C19orf38: variants seen among roughly 807,000 people sequenced by gnomAD.
The protein encoded by C19orf38 is protein HIDE1.
A neutral mutation model predicts 26.6 loss-of-function variants in C19orf38; 14 were observed. The observed-to-expected ratio is 0.53, with a 90% CI of 0.35 to 0.82. C19orf38 has a LOEUF of 0.82. Ranked by LOEUF, C19orf38 falls within the 40% of genes least tolerant of loss-of-function variation. The probability of loss-of-function intolerance (pLI) is 0.01; values close to 1 mark genes in which losing one functional copy is unlikely to be tolerated. For missense variants in C19orf38, 261 were observed against 299.5 expected (o/e 0.87, Z 0.95); for synonymous variants, 132 against 128.5 (o/e 1.03, Z -0.18).
chr19:10,837,533 G>T (rs2146231931), intron 1 of C19orf38, among the ~76,000 whole-genome samples: 1 of 105,034 alleles, frequency 9.5e-6, no homozygotes, highest in Non-Finnish European at 1.8e-5. Flanking sequence ...TTGAGACAGA[G>T]TCTCCCTCTG....
At chr19:10,855,826 C>T (rs2073619866) in intron 2 of C19orf38, among the ~76,000 whole-genome samples, 1 of 152,092 alleles carries the variant, frequency 6.6e-6, no homozygotes, top group Admixed American at 6.6e-5. Context: ...CTGCGCCTGG[C>T]CAATTATTTA....
chr19:10,856,270 A>C lies in C19orf38; in HGVS notation c.346A>C (p.Thr116Pro). 7 of 1,550,678 alleles carry C rather than the reference A, an allele frequency of 4.5e-6. No homozygotes were observed. Among genetic ancestry groups the C allele is most frequent in the Non-Finnish European group, 5.2e-6 (6 of 1,146,178 alleles). The change falls in exon 3 of 7, where the codon ACT becomes CCT. Residue 116 changes from threonine (T) to proline (P), a missense_variant. Transcript: ENST00000397820. The part of the protein sequence containing the change: ...EPVNVSFPVP[T>P]WILVLSLSLA... ...CTTTTCTGATTTTCCTCCAGTGCCC[A>C]CTTGGATCTTGGTGCTCTCCCTGAG...
chr19:10,858,226 TA>T (rs371026775), intron 3 of C19orf38, 89 bp from the exon 4 acceptor site: 20,686 of 319,294 alleles, frequency 0.065, 10 homozygotes, highest in African/African-American at 0.086. Context: ...AGACTCTGTC[TA>T]AAAAAAAAAA....
intron 5 of C19orf38, 146 bp downstream of exon 5, chr19:10,860,104 G>A: frequency 1.3e-6 from 1 of 792,790 alleles, no homozygotes; most frequent in Non-Finnish European, 2.1e-6. Context: ...TCTTCCCCTG[G>A]GTTCTCACCT....
chr19:10,838,468 C>T (rs755332707), intron 1 of C19orf38, among the ~76,000 whole-genome samples: 1 of 152,136 alleles, frequency 6.6e-6, no homozygotes, highest in East Asian at 1.9e-4. Context: ...TTAGTACATT[C>T]CAGTGTTGTG....
At chr19:10,838,586 G>A (rs192203632) in intron 1 of C19orf38, among the ~76,000 whole-genome samples, 1 of 152,024 alleles carries the variant, frequency 6.6e-6, no homozygotes, top group African/African-American at 2.4e-5. Context: ...TAACACCCGG[G>A]GTCGTTGTCT....
chr19:10,858,255 GA>G (rs1432854376), intron 3 of C19orf38, 60 bp from the exon 4 acceptor site: 2 of 346,380 alleles, frequency 5.8e-6, no homozygotes, highest in Non-Finnish European at 9.4e-6. Context: ...AAAAAAAACA[GA>G]AATTGCCGGA....
intron 1 of C19orf38, among the ~76,000 whole-genome samples, chr19:10,841,492 C>A (rs776136465): frequency 1.6e-4 from 25 of 151,540 alleles, no homozygotes; most frequent in Admixed American, 4.6e-4. Flanking sequence ...TAAACACACA[C>A]AAAAAAATAC....
chr19:10,844,896 G>A (rs1351385893), upstream of C19orf38, among the ~76,000 whole-genome samples: 2 of 148,938 alleles, frequency 1.3e-5, no homozygotes, highest in South Asian at 2.1e-4. Flanking sequence ...GGTGGCTTAC[G>A]CCTGTAATCC....
intron 5 of C19orf38, among the ~76,000 whole-genome samples, chr19:10,861,892 GTTGTTTT>G (rs1251632373): frequency 6.6e-5 from 10 of 150,550 alleles, no homozygotes; most frequent in Non-Finnish European, 4.4e-5. Flanking sequence ...TTTTGTTGTT[GTTGTTTT>G]TTGTTTGTTT....
At chr19:10,868,524 A>T (rs1268376781) in intron 6 of C19orf38, among the ~76,000 whole-genome samples, 1 of 151,972 alleles carries the variant, frequency 6.6e-6, no homozygotes, top group African/African-American at 2.4e-5. Context: ...TTATTTATTT[A>T]TTTTTTTGAG....
At chr19:10,847,689 C>A (rs2073529704), upstream of C19orf38, among the ~76,000 whole-genome samples, 1 of 152,004 alleles carries the variant, frequency 6.6e-6, no homozygotes, top group African/African-American at 2.4e-5. Context: ...TACTCTTAGC[C>A]CCATTCTGCA....
chr19:10,861,317 A>G (rs1214120341), intron 5 of C19orf38, among the ~76,000 whole-genome samples: 1 of 152,194 alleles, frequency 6.6e-6, no homozygotes, highest in Non-Finnish European at 1.5e-5. Flanking sequence ...AGCTTCCCCA[A>G]GGGGGCGAAA....
At chr19:10,862,924 A>G (rs536313614) in intron 5 of C19orf38, among the ~76,000 whole-genome samples, 6 of 150,978 alleles carry the variant, frequency 4.0e-5, no homozygotes, top group African/African-American at 1.5e-4. Context: ...GGCCTGAGAT[A>G]AGACACCCAT....
intron 6 of C19orf38, among the ~76,000 whole-genome samples, chr19:10,866,395 G>A (rs1021510097): frequency 4.8e-5 from 7 of 146,244 alleles, no homozygotes; most frequent in African/African-American, 1.0e-4. Context: ...TAGTAGAAGC[G>A]GAGTTTCTCC....
Position 10,850,575 on chromosome 19 carries a change from C to T in C19orf38, c.340+8C>T, listed in dbSNP as rs2073562835. 6.4e-7 allele frequency: 1 copy of T among 1,551,124 alleles called. No homozygotes were observed. On this transcript the variant is annotated splice_region_variant and intron_variant, in intron 2 of 6. Coordinates refer to ENST00000397820, the MANE Select transcript of C19orf38 (RefSeq NM_001136482.3). ...TGAACGTCTCCTTCCCAGGTAAGGC[C>T]CTTCTATGGGATCTCACTGCCGGGG...
intron 5 of C19orf38, among the ~76,000 whole-genome samples, chr19:10,862,845 A>C (rs1255225661): frequency 1.3e-5 from 2 of 152,052 alleles, no homozygotes; most frequent in Admixed American, 1.3e-4. Context: ...AAGAAAAAAA[A>C]AATGGGTGAT....
intron 3 of C19orf38, 74 bp from the exon 4 acceptor site, chr19:10,858,226 TAAAAAAAAAAAAAAAA>T (rs371026775): frequency 5.9e-5 from 19 of 321,618 alleles, no homozygotes; most frequent in East Asian, 3.8e-4. Context: ...AGACTCTGTC[TAAAAAAAAAAAAAAAA>T]AAAAAAAAAA....
intron 5 of C19orf38, among the ~76,000 whole-genome samples, chr19:10,862,895 G>A (rs1333976627): frequency 1.3e-5 from 2 of 152,010 alleles, no homozygotes; most frequent in African/African-American, 2.4e-5. Flanking sequence ...GGAGGAGCTG[G>A]CAGGTGCTCC....
Sources: gnomAD v4.1 joint callset for allele counts (sites outside exome capture counted in the v4.1 genomes callset) on GRCh38, gnomAD v4.1.1 for gene constraint, MANE v1.5 for transcripts, NCBI Gene and HGNC (gene_info 2026-07-23, HGNC 2026-07-21) for gene names.